JMJD1C: variants seen among roughly 807,000 people sequenced by gnomAD.
JMJD1C encodes jumonji domain-containing protein 1C.
Under a neutral mutation model 245.3 loss-of-function variants are expected in JMJD1C, and 31 were observed. The ratio of observed to expected loss-of-function variants is 0.13; its 90% CI spans 0.09 to 0.17. The LOEUF is 0.17. Among genes scored for constraint, JMJD1C ranks in the 10% least tolerant of loss-of-function variants. JMJD1C has a pLI of 1.00. For synonymous variants in JMJD1C, 1,057 were observed against 1,017.4 expected, an observed-to-expected ratio of 1.04 and a Z score of -0.74; for missense variants, 2,691 against 3,000.2, an observed-to-expected ratio of 0.90 and a Z score of 2.41.
chr10:63,340,339 C>T (rs1324864801), intron 2 of JMJD1C, among the ~76,000 whole-genome samples: 1 of 152,200 alleles, frequency 6.6e-6, no homozygotes, highest in African/African-American at 2.4e-5. Context: ...CAAAATGGCA[C>T]ATACACAGGC....
At chr10:63,287,617 T>C (rs908637235) in intron 2 of JMJD1C, among the ~76,000 whole-genome samples, 11 of 152,244 alleles carry the variant, frequency 7.2e-5, no homozygotes, top group Admixed American at 5.2e-4. Context: ...AAAAATTTCA[T>C]ATATCTTATT....
Position 63,213,762 on chromosome 10 carries a change from C to T in JMJD1C, c.2405G>A (p.Gly802Glu), listed in dbSNP as rs769456610. The change falls in exon 8 of 26, where the codon GGA (glycine) becomes GAA (glutamate). Residue 802 changes from glycine (G) to glutamate (E), a missense_variant. By Grantham distance (98) the Gly-to-Glu change is moderately conservative. Coordinates refer to ENST00000399262, the MANE Select transcript of JMJD1C (RefSeq NM_032776.3). ...ACCAAGTAAGGAGGCAGTAGGCACTCCAGGTAACACAGTGGGAAGTAAATG... is the reference window on the plus strand; with the variant it reads ...ACCAAGTAAGGAGGCAGTAGGCACTTCAGGTAACACAGTGGGAAGTAAATG... ...HPHLLPTVLP[G>E]VPTASLLGGH... 5 of 1,614,052 alleles carry T rather than the reference C, an allele frequency of 3.1e-6. No homozygotes were observed. The highest frequency in any genetic ancestry group is 3.4e-6 in the Non-Finnish European group (4 of 1,179,992).
chr10:63,173,547 C>A (rs1043407878), intron 24 of JMJD1C, among the ~76,000 whole-genome samples: 1 of 152,090 alleles, frequency 6.6e-6, no homozygotes, highest in South Asian at 2.1e-4. Flanking sequence ...CACAGCAAGA[C>A]CCCATCTCCA....
intron 2 of JMJD1C, among the ~76,000 whole-genome samples, chr10:63,320,444 C>T (rs1402174689): frequency 3.9e-5 from 6 of 151,988 alleles, no homozygotes; most frequent in Non-Finnish European, 7.4e-5. Context: ...TACATTTAAG[C>T]AATGTATATA....
chr10:63,172,040 G>A (rs933998222), intron 24 of JMJD1C, among the ~76,000 whole-genome samples: 3 of 152,202 alleles, frequency 2.0e-5, no homozygotes, highest in Non-Finnish European at 4.4e-5. Flanking sequence ...CCCCACAGGA[G>A]AGGAAAGGTA....
intron 1 of JMJD1C, among the ~76,000 whole-genome samples, chr10:63,478,127 G>A (rs774456827): frequency 3.4e-5 from 5 of 147,692 alleles, no homozygotes; most frequent in African/African-American, 5.0e-5. Flanking sequence ...AAAGTTAAAC[G>A]TATACTTTTC....
At chr10:63,463,332 A>G (rs1287035861) in intron 1 of JMJD1C, among the ~76,000 whole-genome samples, 1 of 151,982 alleles carries the variant, frequency 6.6e-6, no homozygotes, top group Non-Finnish European at 1.5e-5. Flanking sequence ...ATGCCCGGCT[A>G]ATTTCTGTAT....
chr10:63,289,161 T>C (rs1006431037), intron 2 of JMJD1C, among the ~76,000 whole-genome samples: 1 of 151,990 alleles, frequency 6.6e-6, no homozygotes, highest in African/African-American at 2.4e-5. Context: ...TAAATTAGGG[T>C]AGTTTTCTAC....
chr10:63,494,699 T>C (rs896642323), intron 1 of JMJD1C, among the ~76,000 whole-genome samples: 10 of 152,202 alleles, frequency 6.6e-5, no homozygotes, highest in African/African-American at 1.4e-4. Flanking sequence ...AGTACACACA[T>C]AGTAATATTC....
chr10:63,238,159 T>G (rs1850999465), intron 3 of JMJD1C, among the ~76,000 whole-genome samples: 2 of 131,774 alleles, frequency 1.5e-5, no homozygotes, highest in Non-Finnish European at 1.6e-5. Flanking sequence ...CCAGCCTGGG[T>G]GACAGTGTGA....
intron 2 of JMJD1C, among the ~76,000 whole-genome samples, chr10:63,299,505 A>AT (rs1859835126): frequency 6.6e-6 from 1 of 152,008 alleles, no homozygotes; most frequent in Non-Finnish European, 1.5e-5. Flanking sequence ...ATTTCTTATT[A>AT]TAGTTTCTCA....
At chr10:63,438,960 C>A (rs1951209839) in intron 1 of JMJD1C, among the ~76,000 whole-genome samples, 1 of 152,194 alleles carries the variant, frequency 6.6e-6, no homozygotes, top group Non-Finnish European at 1.5e-5. Flanking sequence ...CTTCCATAAA[C>A]TGATTTCCAT....
chr10:63,330,158 T>C (rs1268642165), intron 2 of JMJD1C, among the ~76,000 whole-genome samples: 1 of 152,162 alleles, frequency 6.6e-6, no homozygotes, highest in Non-Finnish European at 1.5e-5. Context: ...TGCCCTGACC[T>C]CCCAAAGTGC....
chr10:63,299,356 C>CTTTT (rs761917728), intron 2 of JMJD1C, among the ~76,000 whole-genome samples: 2 of 89,590 alleles, frequency 2.2e-5, no homozygotes, highest in Non-Finnish European at 4.7e-5. Context: ...CTAATTTTTC[C>CTTTT]ATTTTTTTTT....
chr10:63,239,342 C>T (rs894239364), intron 3 of JMJD1C, among the ~76,000 whole-genome samples: 2 of 151,886 alleles, frequency 1.3e-5, no homozygotes, highest in Non-Finnish European at 2.9e-5. Flanking sequence ...GGGAGCCTTA[C>T]GATAGAGGAG....
chr10:63,359,906 T>C (rs1945176805), intron 2 of JMJD1C, among the ~76,000 whole-genome samples: 1 of 152,154 alleles, frequency 6.6e-6, no homozygotes, highest in Non-Finnish European at 1.5e-5. Flanking sequence ...CATATTTTCC[T>C]ATCAGTCAGT....
In JMJD1C at chr10:63,214,127, C is replaced by T; in HGVS notation, c.2040G>A (p.Glu680=). The T allele has an allele frequency of 6.2e-7, 1 of 1,614,148 alleles. No individual in the cohort carries two copies. Among genetic ancestry groups the T allele is most frequent in the East Asian group, 2.2e-5 (1 of 44,882 alleles). ...TTGGATGAAAACTGCATCTTGATAG[C>T]TCATGTTCTATCTTATTTGCCAATC... The part of the protein sequence containing the change: ...ERRLANKIEH[E]LSRCSFHPIP... Residue 680 remains glutamate, a synonymous_variant, in exon 8 of 26, where the codon GAG becomes GAA. Coordinates refer to ENST00000399262, the MANE Select transcript of JMJD1C (RefSeq NM_032776.3).
At chr10:63,170,868 C>T (rs1013667067) in intron 24 of JMJD1C, among the ~76,000 whole-genome samples, 3 of 152,186 alleles carry the variant, frequency 2.0e-5, no homozygotes, top group African/African-American at 7.2e-5. Flanking sequence ...ACATTTGACT[C>T]ATTTATATTT....
intron 1 of JMJD1C, among the ~76,000 whole-genome samples, chr10:63,491,024 T>C (rs1235425199): frequency 6.6e-6 from 1 of 152,166 alleles, no homozygotes; most frequent in Non-Finnish European, 1.5e-5. Flanking sequence ...TTACTAACCT[T>C]AGAAATAAGA....
Sources: allele counts gnomAD v4.1 joint callset (sites outside exome capture counted in the v4.1 genomes callset), GRCh38; gene constraint gnomAD v4.1.1; transcripts MANE v1.5; gene names NCBI Gene and HGNC (gene_info 2026-07-23, HGNC 2026-07-21).